The following CUX1 variants were observed in gnomAD, a reference collection of about 807,000 sequenced individuals.
CUX1 encodes protein CASP.
A neutral mutation model predicts 158.8 loss-of-function variants in CUX1; 31 were observed. The observed-to-expected ratio is 0.20, with a 90% CI of 0.15 to 0.26. The LOEUF (loss-of-function observed/expected upper bound fraction) is 0.26. CUX1 is among the 10% of genes least tolerant of loss of function. The pLI is 1.00. For missense variants in CUX1, 1,589 were observed against 2,014.6 expected (o/e 0.79, Z 4.04); for synonymous variants, 879 against 862.1 (o/e 1.02, Z -0.34).
At chr7:102,096,881 A>C (rs1312547288) in intron 4 of CUX1, among the ~76,000 whole-genome samples, 11 of 152,208 alleles carry the variant, frequency 7.2e-5, no homozygotes, top group Non-Finnish European at 1.5e-4. Context: ...CACAATCTCC[A>C]TAAAGTGTCC....
chr7:102,246,236 G>T (rs1197006775), intron 23 of CUX1, among the ~76,000 whole-genome samples: 7 of 152,238 alleles, frequency 4.6e-5, no homozygotes, highest in African/African-American at 1.7e-4. Context: ...TCACTGCCAA[G>T]GAACTTGAAA....
chr7:101,969,405 T>G (rs1012674792), intron 2 of CUX1, among the ~76,000 whole-genome samples: 1 of 144,674 alleles, frequency 6.9e-6, no homozygotes, highest in Admixed American at 6.8e-5. Context: ...GATTTTCCTG[T>G]ACTGTAAAGA....
intron 1 of CUX1, among the ~76,000 whole-genome samples, chr7:101,849,026 G>A (rs1795991903): frequency 6.6e-6 from 1 of 151,780 alleles, no homozygotes; most frequent in Non-Finnish European, 1.5e-5. Context: ...CCGAGATCTT[G>A]AAGACTGTCT....
At chr7:101,933,884 A>T (rs571955555) in intron 2 of CUX1, among the ~76,000 whole-genome samples, 1 of 152,184 alleles carries the variant, frequency 6.6e-6, no homozygotes, top group Non-Finnish European at 1.5e-5. Context: ...TTTCCTTTGA[A>T]ATGATGAAAA....
intron 1 of CUX1, among the ~76,000 whole-genome samples, chr7:101,842,794 T>C (rs1384388636): frequency 4.6e-5 from 7 of 151,978 alleles, no homozygotes; most frequent in Non-Finnish European, 1.0e-4. Context: ...GTATTGGTTT[T>C]TTTTTTTTGA....
At chr7:102,273,197 G>A (rs781888211) in intron 14 of CUX1, among the ~76,000 whole-genome samples, 11 of 152,160 alleles carry the variant, frequency 7.2e-5, no homozygotes, top group Non-Finnish European at 1.3e-4. Flanking sequence ...GAGGCCCTAG[G>A]TCTAATGGGG....
At chr7:102,112,028 G>T in intron 7 of CUX1, 1 of 391,954 alleles carries the variant, frequency 2.6e-6, no homozygotes, top group South Asian at 4.3e-5. Flanking sequence ...CGCCATCCTT[G>T]CTTCCTGCTC....
At chr7:101,982,882 C>T (rs1177214427) in intron 2 of CUX1, among the ~76,000 whole-genome samples, 1 of 137,520 alleles carries the variant, frequency 7.3e-6, no homozygotes, top group Non-Finnish European at 1.6e-5. Flanking sequence ...TCCCCCCACC[C>T]CATGACAAGC....
intron 3 of CUX1, among the ~76,000 whole-genome samples, chr7:102,033,928 T>C (rs1821100199): frequency 6.6e-6 from 1 of 151,868 alleles, no homozygotes; most frequent in Admixed American, 6.6e-5. Context: ...GGCAGATCAC[T>C]CGAGGTTGGG....
chr7:102,266,211 A>T (rs1471596922), intron 14 of CUX1, among the ~76,000 whole-genome samples: 6 of 148,238 alleles, frequency 4.0e-5, no homozygotes, highest in Admixed American at 6.6e-5. Flanking sequence ...TTCAAAAAAA[A>T]AAAAAAAAAG....
At chr7:101,902,837 G>T (rs953932874) in intron 1 of CUX1, among the ~76,000 whole-genome samples, 3 of 152,150 alleles carry the variant, frequency 2.0e-5, no homozygotes, top group African/African-American at 7.2e-5. Flanking sequence ...GTGTTGTCCA[G>T]GCAGGACTCG....
At position 102,250,397 on chromosome 7, in the gene CUX1, A is replaced by T; in HGVS notation, c.*1355A>T. 2.0e-6 allele frequency: 2 copies of T among 985,510 alleles called. No homozygotes were observed. The highest frequency in any genetic ancestry group is 1.2e-6 in the Non-Finnish European group (1 of 830,002). 61.0% of individuals were successfully genotyped at this position (985,510 alleles called of 1,614,324 possible). On this transcript the variant is annotated 3_prime_UTR_variant, in exon 24 of 24. Coordinates refer to ENST00000292535, the MANE Select transcript of CUX1 (RefSeq NM_181552.4). ...CTCACACCACTCTCCTGGATACCTG[A>T]TGAACTGAGCCCTCCCAGGGGAAGA...
Position 102,251,134 on chromosome 7 carries a change from G to GTGTTTTGAATTGAATTGAT in CUX1, c.*2092_*2093insTGTTTTGAATTGAATTGAT. On this transcript the variant is annotated 3_prime_UTR_variant, in exon 24 of 24. Coordinates refer to ENST00000292535, the MANE Select transcript of CUX1 (RefSeq NM_181552.4). ...GTATATTACTGATTGAAAACTTTTTGACCGTATTGTGTATCATTGAAACCT... is the reference window on the plus strand; with the variant it reads ...GTATATTACTGATTGAAAACTTTTTGTGTTTTGAATTGAATTGATACCGTATTGTGTATCATTGAAACCT... 1 of 984,754 alleles carries GTGTTTTGAATTGAATTGAT rather than the reference G, an allele frequency of 1.0e-6. No individual in the cohort carries two copies. The allele number at this position is 984,754 out of a possible 1,614,324, so 61.0% of individuals were successfully genotyped here.
chr7:102,194,246 T>C (rs1051849609), intron 13 of CUX1: 1 of 244,750 alleles, frequency 4.1e-6, no homozygotes, highest in Non-Finnish European at 7.9e-6. Context: ...GTAACTGAAG[T>C]GAAATTGTGA....
At position 102,163,722 on chromosome 7, in the gene CUX1, G is replaced by T. The variant is rs144687365; in HGVS notation, c.723+5114G>T. Reference sequence around the variant, plus strand: ...CCCTGCGGAGGTGAGCTGGAGGCGGGCTGGGCAGGAAGAGGAGGGCGCAGA... The same window carrying T: ...CCCTGCGGAGGTGAGCTGGAGGCGGTCTGGGCAGGAAGAGGAGGGCGCAGA... On this transcript the variant is annotated intron_variant, in intron 9 of 23. Coordinates refer to ENST00000292535, the MANE Select transcript of CUX1 (RefSeq NM_181552.4). Among the ~76,000 whole-genome samples, 244 of 152,302 alleles carry T rather than the reference G, an allele frequency of 1.6e-3. 1 individual carries two copies. The highest frequency in any genetic ancestry group is 2.7e-3 in the Non-Finnish European group (184 of 68,024).
intron 1 of CUX1, among the ~76,000 whole-genome samples, chr7:101,849,478 G>A (rs934870680): frequency 2.6e-5 from 4 of 151,986 alleles, no homozygotes; most frequent in African/African-American, 9.7e-5. Context: ...ATGGCCTCCA[G>A]CTCCATCCAT....
intron 3 of CUX1, among the ~76,000 whole-genome samples, chr7:102,034,708 G>A (rs528765497): frequency 5.2e-4 from 78 of 149,614 alleles, no homozygotes; most frequent in Non-Finnish European, 8.1e-4. Flanking sequence ...AGCCGGGATC[G>A]TGCCACTGCA....
intron 2 of CUX1, chr7:101,960,131 T>C (rs1413592862): frequency 1.3e-5 from 2 of 152,192 alleles, no homozygotes; most frequent in Non-Finnish European, 2.9e-5. Flanking sequence ...TTTGCCCTGA[T>C]GTTTCTTTCA....
chr7:101,826,120 A>G (rs554861538), intron 1 of CUX1, among the ~76,000 whole-genome samples: 1 of 152,114 alleles, frequency 6.6e-6, no homozygotes, highest in South Asian at 2.1e-4. Flanking sequence ...TGACTCCAGA[A>G]TCTTGCTTAT....
Sources: allele counts gnomAD v4.1 joint callset (sites outside exome capture counted in the v4.1 genomes callset), GRCh38; gene constraint gnomAD v4.1.1; transcripts MANE v1.5; gene names NCBI Gene and HGNC (gene_info 2026-07-23, HGNC 2026-07-21).